Variants in PELO observed in about 807,000 individuals in gnomAD.
The protein encoded by PELO is protein pelota homolog.
Under a neutral mutation model 25.9 loss-of-function variants are expected in PELO, and 19 were observed. That is an observed-to-expected ratio of 0.73 (90% CI 0.51 to 1.08). PELO has a LOEUF of 1.08. Among genes scored for constraint, PELO ranks in the 50% least tolerant of loss-of-function variants. The pLI is 0.00. For synonymous variants in PELO, 196 were observed against 192.2 expected (o/e 1.02, Z -0.16); for missense variants, 498 against 491.4 (o/e 1.01, Z -0.13).
chr5:52,801,019 A>T lies in PELO; in HGVS notation c.625A>T (p.Ser209Cys). Residue 209 changes from serine to cysteine, a missense_variant, in exon 2 of 3, where the codon AGC (serine) becomes TGC (cysteine). Coordinates refer to ENST00000274311, the MANE Select transcript of PELO (RefSeq NM_015946.5). ...TGTTGTAAAGTGCATCCTGGTGGCC[A>T]GCCCAGGATTTGTGAGGGAGCAGTT... ...FDVVKCILVA[S>C]PGFVREQFCD... 1 of 1,614,208 alleles carries T rather than the reference A, an allele frequency of 6.2e-7. No individual in the cohort carries two copies. The highest frequency in any genetic ancestry group is 8.5e-7 in the Non-Finnish European group (1 of 1,180,012).
In PELO at chr5:52,800,467, G is replaced by GACATGTGGC. The variant is rs1274708153; in HGVS notation, c.77_85dup (p.Met26_His28dup). On this transcript the variant is annotated inframe_insertion, in exon 2 of 3. Coordinates refer to ENST00000274311, the MANE Select transcript of PELO (RefSeq NM_015946.5). Reference sequence around the variant, plus strand: ...GACCCTGGTCCCCGAGGAGCCTGAGGACATGTGGCACACTTACAACCTCGT... The same window carrying GACATGTGGC: ...GACCCTGGTCCCCGAGGAGCCTGAGGACATGTGGCACATGTGGCACACTTACAACCTCGT... 6.2e-7 allele frequency: 1 copy of GACATGTGGC among 1,613,964 alleles called. No homozygotes were observed. Among genetic ancestry groups the GACATGTGGC allele is most frequent in the Non-Finnish European group, 8.5e-7 (1 of 1,180,036 alleles).
chr5:52,791,847 G>T (rs1195710561), intron 1 of PELO, among the ~76,000 whole-genome samples: 1 of 152,080 alleles, frequency 6.6e-6, no homozygotes, highest in Non-Finnish European at 1.5e-5. Flanking sequence ...GTATTAAGAA[G>T]TTAATTTCAT....
chr5:52,797,166 G>A (rs1196637837), intron 1 of PELO, among the ~76,000 whole-genome samples: 2 of 151,756 alleles, frequency 1.3e-5, no homozygotes, highest in African/African-American at 2.4e-5. Flanking sequence ...TCAACTACAG[G>A]CTTAAATTAC....
Position 52,788,383 on chromosome 5 carries a change from G to A in PELO, c.-542G>A, listed in dbSNP as rs1748167849. 1.3e-6 allele frequency: 2 copies of A among 1,512,562 alleles called. No individual in the cohort carries two copies. The highest frequency in any genetic ancestry group is 1.8e-6 in the Non-Finnish European group (2 of 1,133,978). The allele number at this position is 1,512,562 out of a possible 1,614,324, so 93.7% of individuals were successfully genotyped here. A position where few individuals can be genotyped will look rare whatever the true frequency, so the allele number is the denominator to read the frequency against. On this transcript the variant is annotated 5_prime_UTR_variant, in exon 1 of 3. Transcript: ENST00000274311. ...CCCCTCGGCCCCGCGCCCGCCCAGG[G>A]GTCGCTGTCGCCTGCTGCTGGCTCC...
rs1748442195 is a variant in PELO, at chr5:52,800,338, C to G, written c.-57C>G. On this transcript the variant is annotated 5_prime_UTR_variant, in exon 2 of 3. Coordinates refer to ENST00000274311, the MANE Select transcript of PELO (RefSeq NM_015946.5). ...TGCATTCCCATCCCCTCTCCCGGGG[C>G]GGAGGTGAGGACCTCCTTGGTTCCT... The G allele has an allele frequency of 2.5e-6, 4 of 1,591,916 alleles. No individual in the cohort carries two copies. Among genetic ancestry groups the G allele is most frequent in the Non-Finnish European group, 3.4e-6 (4 of 1,164,566 alleles).
rs1748486619 is a variant in PELO at position 52,801,585 on chromosome 5, G to A, written c.903G>A (p.Lys301=). 6.2e-7 allele frequency: 1 copy of A among 1,613,970 alleles called. No individual in the cohort carries two copies. Among genetic ancestry groups the A allele is most frequent in the Admixed American group, 1.7e-5 (1 of 60,000 alleles). Residue 301 remains lysine, a synonymous_variant, in exon 3 of 3, where the codon AAG becomes AAA. Transcript: ENST00000274311. ...TCTATGGACTCAAGCAGGTGGAGAA[G>A]GCCAATGAAGCCATGGCAATTGACA... is the stretch of plus-strand genomic sequence containing the variant. The part of the protein sequence containing the change: ...RAFYGLKQVE[K]ANEAMAIDTL...
At chr5:52,799,450 C>T (rs746123690) in intron 1 of PELO, among the ~76,000 whole-genome samples, 2 of 152,182 alleles carry the variant, frequency 1.3e-5, no homozygotes, top group Non-Finnish European at 2.9e-5. Flanking sequence ...CTGAGGCTGC[C>T]AACTTTGGAG....
chr5:52,794,465 A>G (rs1333458998), intron 1 of PELO, among the ~76,000 whole-genome samples: 1 of 150,830 alleles, frequency 6.6e-6, no homozygotes, highest in African/African-American at 2.4e-5. Flanking sequence ...TGGTGAAATG[A>G]TCTTATGCCG....
At position 52,800,770 on chromosome 5, in the gene PELO, GA is replaced by G; in HGVS notation, c.377del (p.Glu126GlyfsTer26). On this transcript the variant is annotated frameshift_variant, in exon 2 of 3. Coordinates refer to ENST00000274311, the MANE Select transcript of PELO (RefSeq NM_015946.5). LOFTEE classifies it high-confidence loss of function. ...GGATAGTGTGGTACTGGAGCGCATC[GA>G]GCAGGCCTGTGACCCAGCCTGGAGC... ...QWDSVVLERI[E>X]QACDPAWSAD... 1 of 1,614,146 alleles carries G rather than the reference GA, an allele frequency of 6.2e-7. No homozygotes were observed. Among genetic ancestry groups the G allele is most frequent in the South Asian group, 1.1e-5 (1 of 91,072 alleles).
chr5:52,792,430 G>A lies in PELO; in HGVS notation c.-511+4016G>A, dbSNP rs1451476950. ...AATTCACGGGATTTTTGTTTGTTTA[G>A]TAAACAGGCAATGAGAGTAACCATG... On this transcript the variant is annotated intron_variant, in intron 1 of 2. Coordinates refer to ENST00000274311, the MANE Select transcript of PELO (RefSeq NM_015946.5). Among the ~76,000 whole-genome samples the A allele has an allele frequency of 4.6e-5, 7 of 152,184 alleles. No homozygotes were observed. The East Asian group carries it at 1.3e-3, about 29-fold the overall frequency.
intron 1 of PELO, among the ~76,000 whole-genome samples, chr5:52,799,488 G>C (rs1158401297): frequency 6.6e-6 from 1 of 152,208 alleles, no homozygotes. Flanking sequence ...ATCAGGTCAA[G>C]CAACTGAGAG....
At chr5:52,788,532 G>C in intron 1 of PELO, 118 bp downstream of exon 1, 2 of 768,266 alleles carry the variant, frequency 2.6e-6, no homozygotes, top group South Asian at 2.3e-5. Flanking sequence ...TCCACTTTCG[G>C]GCATTCCAGG....
At chr5:52,788,967 G>A (rs886482137) in intron 1 of PELO, among the ~76,000 whole-genome samples, 5 of 152,192 alleles carry the variant, frequency 3.3e-5, no homozygotes, top group African/African-American at 1.2e-4. Context: ...GCACCCAAGA[G>A]GAGGGATATT....
chr5:52,788,371 C>A lies in PELO; in HGVS notation c.-554C>A. 6.6e-7 allele frequency: 1 copy of A among 1,512,008 alleles called. No homozygotes were observed. The allele number at this position is 1,512,008 out of a possible 1,614,324, so 93.7% of individuals were successfully genotyped here. A position where few individuals can be genotyped will look rare whatever the true frequency, so the allele number is the denominator to read the frequency against. On this transcript the variant is annotated 5_prime_UTR_variant, in exon 1 of 3. Coordinates refer to ENST00000274311, the MANE Select transcript of PELO (RefSeq NM_015946.5). ...CTCCGGCCATGGCCCCTCGGCCCCG[C>A]GCCCGCCCAGGGGTCGCTGTCGCCT...
intron 1 of PELO, among the ~76,000 whole-genome samples, chr5:52,791,197 G>A (rs1748231330): frequency 6.6e-6 from 1 of 152,164 alleles, no homozygotes; most frequent in South Asian, 2.1e-4. Context: ...CACATATAAA[G>A]GATTTAACTG....
At position 52,801,478 on chromosome 5, in the gene PELO, C is replaced by T; in HGVS notation, c.796C>T (p.Leu266Phe). The T allele has an allele frequency of 6.2e-7, 1 of 1,614,086 alleles. No individual in the cohort carries two copies. The highest frequency in any genetic ancestry group is 8.5e-7 in the Non-Finnish European group (1 of 1,179,936). The change falls in exon 3 of 3, where the codon CTT becomes TTT. Residue 266 changes from leucine (L) to phenylalanine (F), a missense_variant. Transcript: ENST00000274311. ...ALCDPTVASRLSDTKAAGEVK... is the reference protein window; with the variant it reads ...ALCDPTVASRFSDTKAAGEVK... Reference sequence around the variant, plus strand: ...TTGTGACCCTACTGTGGCTAGCCGCCTTTCAGACACTAAAGCTGCTGGGGA... The same window carrying T: ...TTGTGACCCTACTGTGGCTAGCCGCTTTTCAGACACTAAAGCTGCTGGGGA...
At position 52,794,843 on chromosome 5, in the gene PELO, T is replaced by C. The variant is rs186168952; in HGVS notation, c.-510-5042T>C. On this transcript the variant is annotated intron_variant, in intron 1 of 2. Transcript: ENST00000274311. ...TGCGTTTATCACTAGATATTCATAATTGGAGCTCTGGCTTCTTATTTTGTA... is the reference window on the plus strand; with the variant it reads ...TGCGTTTATCACTAGATATTCATAACTGGAGCTCTGGCTTCTTATTTTGTA... 5.7e-3 allele frequency among the ~76,000 whole-genome samples: 865 copies of C among 152,110 alleles called. 8 individuals are homozygous for C. Among genetic ancestry groups the C allele is most frequent in the Middle Eastern group, 0.014 (4 of 294 alleles).
intron 1 of PELO, among the ~76,000 whole-genome samples, chr5:52,794,182 C>A (rs1561209402): frequency 6.6e-6 from 1 of 151,834 alleles, no homozygotes; most frequent in Non-Finnish European, 1.5e-5. Flanking sequence ...AGTGGATACA[C>A]ATACTCTTTT....
At position 52,800,265 on chromosome 5, in the gene PELO, C is replaced by A; in HGVS notation, c.-130C>A. The A allele has an allele frequency of 1.1e-6, 1 of 900,008 alleles. No homozygotes were observed. Among genetic ancestry groups the A allele is most frequent in the Non-Finnish European group, 1.7e-6 (1 of 583,092 alleles). The allele number at this position is 900,008 out of a possible 1,614,324, so 55.8% of individuals were successfully genotyped here. On this transcript the variant is annotated 5_prime_UTR_variant, in exon 2 of 3. Coordinates refer to ENST00000274311, the MANE Select transcript of PELO (RefSeq NM_015946.5). ...GAGTCGAAGCAAGCGTGTTTCCTTC[C>A]CGCCAGGCAAGTGCCCTTAGAAACC...
Sources: gnomAD v4.1 joint callset for allele counts (sites outside exome capture counted in the v4.1 genomes callset) on GRCh38, gnomAD v4.1.1 for gene constraint, MANE v1.5 for transcripts, NCBI Gene and HGNC (gene_info 2026-07-23, HGNC 2026-07-21) for gene names.